KLHDC10: variants seen among roughly 807,000 people sequenced by gnomAD.
KLHDC10 encodes the protein kelch domain containing 10.
In KLHDC10, 24 loss-of-function variants were observed where a neutral mutation model predicts 56.1. The ratio of observed to expected loss-of-function variants is 0.43; its 90% CI spans 0.31 to 0.60. KLHDC10 has a LOEUF of 0.60. Ranked by LOEUF, KLHDC10 falls within the 20% of genes least tolerant of loss-of-function variation. The probability of loss-of-function intolerance (pLI) is 0.11; values close to 1 mark genes in which losing one functional copy is unlikely to be tolerated. For synonymous variants in KLHDC10, 188 were observed against 207.1 expected (o/e 0.91, Z 0.79); for missense variants, 349 against 567.0 (o/e 0.62, Z 3.91).
chr7:130,121,125 C>G (rs1471975973), intron 4 of KLHDC10, among the ~76,000 whole-genome samples: 2 of 148,384 alleles, frequency 1.3e-5, no homozygotes, highest in South Asian at 4.3e-4. Flanking sequence ...TTTTCACTTT[C>G]TGTTTCTAAT....
chr7:130,135,013 G>A lies in KLHDC10; in HGVS notation c.*4267G>A, dbSNP rs941172226. 6.0e-5 allele frequency: 9 copies of A among 150,938 alleles called. No individual in the cohort carries two copies. Among genetic ancestry groups the A allele is most frequent in the African/African-American group, 2.2e-4 (9 of 40,818 alleles). 9.3% of individuals were successfully genotyped at this position (150,938 alleles called of 1,614,324 possible). On this transcript the variant is annotated 3_prime_UTR_variant, in exon 10 of 10. Transcript: ENST00000335420. The stretch of plus-strand genomic sequence containing the variant: ...CCAAAAGCGACCTCTTCTCTAGTCC[G>A]GTGTTACGAACAGAAGTTCTGAGTT...
chr7:130,087,762 CTT>C (rs777285968), intron 1 of KLHDC10, among the ~76,000 whole-genome samples: 28 of 140,754 alleles, frequency 2.0e-4, no homozygotes, highest in Non-Finnish European at 1.7e-4. Flanking sequence ...TATGGAATTT[CTT>C]TTTTTTTTTT....
At chr7:130,070,846 G>C in intron 1 of KLHDC10, 37 bp downstream of exon 1, 1 of 1,287,884 alleles carries the variant, frequency 7.8e-7, no homozygotes, top group Non-Finnish European at 9.9e-7. Flanking sequence ...GCTTGCGGGC[G>C]GGAAGGTGAC....
chr7:130,084,432 A>G (rs1795653431), intron 1 of KLHDC10, among the ~76,000 whole-genome samples: 1 of 152,182 alleles, frequency 6.6e-6, no homozygotes, highest in Admixed American at 6.5e-5. Context: ...TGAAAGTAGC[A>G]TTAATAGGAT....
intron 1 of KLHDC10, among the ~76,000 whole-genome samples, chr7:130,076,860 C>T (rs572505586): frequency 4.6e-5 from 7 of 152,288 alleles, no homozygotes; most frequent in Admixed American, 4.6e-4. Flanking sequence ...CATCTTCCCT[C>T]ATTCTACTTC....
At chr7:130,077,353 CAAA>C (rs35132418) in intron 1 of KLHDC10, among the ~76,000 whole-genome samples, 353 of 17,772 alleles carry the variant, frequency 0.02, 3 homozygotes, top group African/African-American at 0.082. Context: ...GACTCTGTCT[CAAA>C]AAAAAAAAAA....
Position 130,130,049 on chromosome 7 carries a change from G to C in KLHDC10, c.1119+473G>C, listed in dbSNP as rs1326291166. ...TCATATATATAGGCCGGGCGCGGTG[G>C]CTCAGGCCTGTAATCCCAGCACTTT... is the stretch of plus-strand genomic sequence containing the variant. On this transcript the variant is annotated intron_variant, in intron 9 of 9. Transcript: ENST00000335420. This position sits in a 1 kb window ranked among gnomAD's most constrained non-coding sequence, Gnocchi z 4.2. Among the ~76,000 whole-genome samples the C allele has an allele frequency of 4.6e-5, 7 of 152,104 alleles. No individual in the cohort carries two copies. Among genetic ancestry groups the C allele is most frequent in the Non-Finnish European group, 1.0e-4 (7 of 68,028 alleles).
intron 1 of KLHDC10, among the ~76,000 whole-genome samples, chr7:130,088,455 A>G (rs966166789): frequency 1.3e-5 from 2 of 149,568 alleles, no homozygotes; most frequent in Middle Eastern, 3.5e-3. Context: ...TTGTATTTTT[A>G]GTAGAGACGG....
intron 4 of KLHDC10, among the ~76,000 whole-genome samples, 173 bp from the exon 5 acceptor site, chr7:130,121,881 C>T (rs78139042): frequency 0.027 from 4,072 of 152,258 alleles, 185 homozygotes; most frequent in African/African-American, 0.093. Context: ...TTTCCAGGTT[C>T]TTAAAATAAT....
At chr7:130,089,993 T>C (rs1795748956) in intron 1 of KLHDC10, among the ~76,000 whole-genome samples, 1 of 152,020 alleles carries the variant, frequency 6.6e-6, no homozygotes, top group African/African-American at 2.4e-5. Flanking sequence ...GCAATTCTCC[T>C]GCCTCAGCCT....
At chr7:130,103,954 G>C (rs1404031608) in intron 2 of KLHDC10, among the ~76,000 whole-genome samples, 1 of 152,112 alleles carries the variant, frequency 6.6e-6, no homozygotes, top group East Asian at 1.9e-4. Flanking sequence ...CGGGCATGGT[G>C]GTGGGTGTCT....
chr7:130,104,042 C>T (rs559116085), intron 2 of KLHDC10, among the ~76,000 whole-genome samples: 9 of 152,096 alleles, frequency 5.9e-5, no homozygotes, highest in Admixed American at 6.5e-5. Context: ...GAGCCAAGAT[C>T]GTGCTACTGC....
chr7:130,090,128 G>A lies in KLHDC10; in HGVS notation c.167-6793G>A, dbSNP rs191363410. On this transcript the variant is annotated intron_variant, in intron 1 of 9. Coordinates refer to ENST00000335420, the MANE Select transcript of KLHDC10 (RefSeq NM_014997.4). ...ACTCCTGACCTCAGGTGATCTGCCCGCCTTGGCCTAATAGTTCTAATTGTT... is the reference window on the plus strand; with the variant it reads ...ACTCCTGACCTCAGGTGATCTGCCCACCTTGGCCTAATAGTTCTAATTGTT... Among the ~76,000 whole-genome samples the A allele has an allele frequency of 1.2e-4, 18 of 152,094 alleles. No individual in the cohort carries two copies. In the East Asian group the frequency reaches 3.3e-3, roughly 28 times the overall value.
rs115530043 is a variant in KLHDC10, at chr7:130,120,500, C to G, written c.476-249C>G. Among the ~76,000 whole-genome samples the G allele has an allele frequency of 7.2e-3, 1,097 of 152,232 alleles. 19 individuals carry two copies. Among genetic ancestry groups the G allele is most frequent in the African/African-American group, 0.025 (1,041 of 41,534 alleles). ...CATACCAAATCCAAAACTTTGAAAT[C>G]CAACATGTTCCAGTGAGCATTTCCT... On this transcript the variant is annotated intron_variant, in intron 3 of 9. Transcript: ENST00000335420. The surrounding 1 kb of genome is among the most constrained non-coding windows in gnomAD (Gnocchi z 5.1).
rs1205660978 is a variant in KLHDC10 at position 130,121,384 on chromosome 7, G to T, written c.630+481G>T. ...GCGCTTCAAACCTTAGGTCTGAAAAGTTATATCCAGAAAGATAGGGAGCAA... is the reference window on the plus strand; with the variant it reads ...GCGCTTCAAACCTTAGGTCTGAAAATTTATATCCAGAAAGATAGGGAGCAA... On this transcript the variant is annotated intron_variant, in intron 4 of 9. Transcript: ENST00000335420. Among the ~76,000 whole-genome samples the T allele has an allele frequency of 3.3e-5, 5 of 152,334 alleles. No individual in the cohort carries two copies. In the East Asian group the frequency reaches 7.7e-4, roughly 23 times the overall value.
At chr7:130,128,570 G>C (rs1393122651) in intron 8 of KLHDC10, among the ~76,000 whole-genome samples, 1 of 152,028 alleles carries the variant, frequency 6.6e-6, no homozygotes, top group African/African-American at 2.4e-5. Flanking sequence ...CCTCTTTTGT[G>C]TTCCTAAACT....
intron 2 of KLHDC10, among the ~76,000 whole-genome samples, chr7:130,106,795 C>T (rs1796013330): frequency 6.6e-6 from 1 of 151,820 alleles, no homozygotes; most frequent in African/African-American, 2.4e-5. Context: ...CTGGGCAACA[C>T]TCTGTCTCTA....
At chr7:130,077,609 G>C (rs1795532024) in intron 1 of KLHDC10, among the ~76,000 whole-genome samples, 1 of 133,486 alleles carries the variant, frequency 7.5e-6, no homozygotes, top group Admixed American at 8.1e-5. Flanking sequence ...AGGCTGGAGT[G>C]CAGTGGCACC....
rs183704524 is a variant in KLHDC10, at chr7:130,134,714, C to G, written c.*3968C>G. On this transcript the variant is annotated 3_prime_UTR_variant, in exon 10 of 10. Transcript: ENST00000335420. ...TACCTGCCAGCATTCTGATATAGCACAAAAAGCTATTTTCCTTTATTTTTT... is the reference window on the plus strand; with the variant it reads ...TACCTGCCAGCATTCTGATATAGCAGAAAAAGCTATTTTCCTTTATTTTTT... 1 of 152,196 alleles carries G rather than the reference C, an allele frequency of 6.6e-6. No individual in the cohort carries two copies. Among genetic ancestry groups the G allele is most frequent in the African/African-American group, 2.4e-5 (1 of 41,540 alleles). The allele number at this position is 152,196 out of a possible 1,614,324, so 9.4% of individuals were successfully genotyped here.
Sources: gnomAD v4.1 joint callset for allele counts (sites outside exome capture counted in the v4.1 genomes callset) on GRCh38, gnomAD v4.1.1 for gene constraint, Gnocchi (gnomAD v3.1) non-coding constraint, MANE v1.5 for transcripts, NCBI Gene and HGNC (gene_info 2026-07-23, HGNC 2026-07-21) for gene names.